The following SH3RF3 variants were observed in gnomAD, a reference collection of about 807,000 sequenced individuals.
SH3RF3 encodes SH3 domain containing ring finger 3.
In SH3RF3, 29 loss-of-function variants were observed where a neutral mutation model predicts 66.3. The ratio of observed to expected loss-of-function variants is 0.44; its 90% CI spans 0.33 to 0.60. SH3RF3 has a LOEUF of 0.60. SH3RF3 is among the 20% of genes least tolerant of loss of function. SH3RF3 has a pLI of 0.04. For missense variants in SH3RF3, 1,194 were observed against 1,190.9 expected (o/e 1.00, Z -0.04); for synonymous variants, 583 against 532.0 (o/e 1.10, Z -1.32).
At chr2:109,316,380 G>A (rs537844428) in intron 1 of SH3RF3, among the ~76,000 whole-genome samples, 59 of 152,296 alleles carry the variant, frequency 3.9e-4, no homozygotes, top group African/African-American at 1.4e-3. Flanking sequence ...GAGAAGCCCT[G>A]GTGCCATGTT....
intron 1 of SH3RF3, among the ~76,000 whole-genome samples, chr2:109,247,657 C>T (rs1396163277): frequency 2.0e-5 from 3 of 151,550 alleles, no homozygotes; most frequent in Non-Finnish European, 4.4e-5. Flanking sequence ...TGCGTTAGCT[C>T]TTCCTTTGTT....
At chr2:109,244,316 A>T (rs1464059183) in intron 1 of SH3RF3, among the ~76,000 whole-genome samples, 1 of 152,216 alleles carries the variant, frequency 6.6e-6, no homozygotes, top group Admixed American at 6.5e-5. Context: ...CACATTTTGC[A>T]TCTAGGAGCA....
chr2:109,430,364 TTCCACGGA>T (rs1437985032), intron 5 of SH3RF3, among the ~76,000 whole-genome samples: 2 of 152,224 alleles, frequency 1.3e-5, no homozygotes, highest in Non-Finnish European at 2.9e-5. Flanking sequence ...TTCACAAGCC[TTCCACGGA>T]TCCAAGTCCT....
intron 1 of SH3RF3, among the ~76,000 whole-genome samples, chr2:109,203,939 C>T (rs1401367355): frequency 6.6e-6 from 1 of 152,234 alleles, no homozygotes; most frequent in Non-Finnish European, 1.5e-5. Context: ...GCCCCAAGGC[C>T]TCCCAGCAGA....
intron 1 of SH3RF3, among the ~76,000 whole-genome samples, chr2:109,299,587 T>C (rs542708938): frequency 6.6e-6 from 1 of 152,248 alleles, no homozygotes; most frequent in South Asian, 2.1e-4. Flanking sequence ...GACATTTCCT[T>C]CCATTTCCTA....
At chr2:109,407,432 C>T (rs1373020262) in intron 4 of SH3RF3, among the ~76,000 whole-genome samples, 1 of 152,202 alleles carries the variant, frequency 6.6e-6, no homozygotes, top group Admixed American at 6.5e-5. Context: ...TGTCTCTATG[C>T]AGCTTCCTGT....
intron 4 of SH3RF3, among the ~76,000 whole-genome samples, chr2:109,400,385 T>C (rs996044254): frequency 1.3e-5 from 2 of 151,938 alleles, no homozygotes; most frequent in Admixed American, 6.6e-5. Flanking sequence ...CCTACACATA[T>C]ACACATGCAC....
rs538415475 is a variant in SH3RF3 at position 109,167,052 on chromosome 2, A to G, written c.573+36939A>G. Among the ~76,000 whole-genome samples the G allele has an allele frequency of 3.3e-5, 5 of 152,342 alleles. No homozygotes were observed. The East Asian group carries it at 9.7e-4, about 29-fold the overall frequency. On this transcript the variant is annotated intron_variant, in intron 1 of 9. Coordinates refer to ENST00000309415, the MANE Select transcript of SH3RF3 (RefSeq NM_001099289.3). Reference sequence around the variant, plus strand: ...CCACTCATCGGTGTCCCGTGGGAATACCATGGAGGTCAGGCCAGTGGGAAC... The same window carrying G: ...CCACTCATCGGTGTCCCGTGGGAATGCCATGGAGGTCAGGCCAGTGGGAAC...
At chr2:109,423,358 G>T (rs187201760) in intron 5 of SH3RF3, among the ~76,000 whole-genome samples, 162 of 152,288 alleles carry the variant, frequency 1.1e-3, no homozygotes, top group African/African-American at 3.8e-3. Context: ...CGCAGACCTT[G>T]CTGTGATCAG....
At chr2:109,415,005 C>T (rs1044507283) in intron 4 of SH3RF3, among the ~76,000 whole-genome samples, 7 of 152,166 alleles carry the variant, frequency 4.6e-5, no homozygotes, top group Admixed American at 1.3e-4. Flanking sequence ...AAGGCCCTCC[C>T]GAGAGGGAAG....
At chr2:109,132,363 T>G (rs1258165698) in intron 1 of SH3RF3, among the ~76,000 whole-genome samples, 1 of 152,264 alleles carries the variant, frequency 6.6e-6, no homozygotes, top group African/African-American at 2.4e-5. Context: ...AATTTCTGTT[T>G]GGTTTTACTG....
At chr2:109,195,139 A>G (rs556639964) in intron 1 of SH3RF3, among the ~76,000 whole-genome samples, 1 of 152,346 alleles carries the variant, frequency 6.6e-6, no homozygotes, top group South Asian at 2.1e-4. Context: ...ATAAAAACTA[A>G]TAGGAAAAAA....
At chr2:109,235,251 G>T (rs1203813008) in intron 1 of SH3RF3, among the ~76,000 whole-genome samples, 1 of 152,158 alleles carries the variant, frequency 6.6e-6, no homozygotes, top group Non-Finnish European at 1.5e-5. Context: ...GAATAGTTCT[G>T]GGAGGACTGG....
intron 8 of SH3RF3, among the ~76,000 whole-genome samples, chr2:109,477,424 A>G (rs1292108512): frequency 6.6e-6 from 1 of 152,038 alleles, no homozygotes; most frequent in African/African-American, 2.4e-5. Flanking sequence ...TACCTCCCCA[A>G]CCCAACCTCA....
At chr2:109,131,299 C>G (rs151182910) in intron 1 of SH3RF3, among the ~76,000 whole-genome samples, 3 of 152,088 alleles carry the variant, frequency 2.0e-5, no homozygotes, top group Non-Finnish European at 4.4e-5. Context: ...AGGATAGTCA[C>G]TGGGGGTCAC....
At chr2:109,136,204 C>T (rs1315373927) in intron 1 of SH3RF3, among the ~76,000 whole-genome samples, 1 of 151,696 alleles carries the variant, frequency 6.6e-6, no homozygotes, top group African/African-American at 2.4e-5. Flanking sequence ...TTACAGTTAA[C>T]ATGATCTTTT....
chr2:109,492,803 G>A lies in SH3RF3; in HGVS notation c.2480+1867G>A, dbSNP rs572788895. 2.6e-5 allele frequency among the ~76,000 whole-genome samples: 4 copies of A among 152,142 alleles called. No homozygotes were observed. The South Asian group carries it at 8.3e-4, about 32-fold the overall frequency. On this transcript the variant is annotated intron_variant, in intron 9 of 9. Coordinates refer to ENST00000309415, the MANE Select transcript of SH3RF3 (RefSeq NM_001099289.3). ...ACCCCCAGTCCTGTGTAGTCACAGG[G>A]CCTATTATCAGCTTGTGGACATCGT...
intron 4 of SH3RF3, among the ~76,000 whole-genome samples, chr2:109,402,678 C>T (rs572437394): frequency 6.6e-6 from 1 of 152,340 alleles, no homozygotes; most frequent in South Asian, 2.1e-4. Context: ...AGGATGAATT[C>T]TTGGCACCTG....
At position 109,437,034 on chromosome 2, in the gene SH3RF3, C is replaced by T. The variant is rs763671834; in HGVS notation, c.1716C>T (p.Ile572=). Residue 572 remains isoleucine, a synonymous_variant, in exon 7 of 10, where the codon ATC becomes ATT. Coordinates refer to ENST00000309415, the MANE Select transcript of SH3RF3 (RefSeq NM_001099289.3). ...CTGCCACCAGGCCCGCCCTGCCCAT[C>T]ACCACTCCCCAGGCCCACGCCCAGC... is the stretch of plus-strand genomic sequence containing the variant. ...LATATRPALP[I]TTPQAHAQHP... 3.1e-6 allele frequency: 5 copies of T among 1,613,772 alleles called. No individual in the cohort carries two copies. The highest frequency in any genetic ancestry group is 8.5e-7 in the Non-Finnish European group (1 of 1,179,904).
Sources: allele counts gnomAD v4.1 joint callset (sites outside exome capture counted in the v4.1 genomes callset), GRCh38; gene constraint gnomAD v4.1.1; transcripts MANE v1.5; gene names NCBI Gene and HGNC (gene_info 2026-07-23, HGNC 2026-07-21).